TAS2R1: variants seen among roughly 807,000 people sequenced by gnomAD.
The protein encoded by TAS2R1 is taste receptor type 2 member 1.
For synonymous variants in TAS2R1, 141 were observed against 134.2 expected, an observed-to-expected ratio of 1.05 and a Z score of -0.35; for missense variants, 370 against 353.4, an observed-to-expected ratio of 1.05 and a Z score of -0.38.
rs1739788058 is a variant in TAS2R1, at chr5:9,628,058, T to A, written c.*1075A>T. On this transcript the variant is annotated 3_prime_UTR_variant, in exon 1 of 1. Coordinates refer to ENST00000382492, the MANE Select transcript of TAS2R1 (RefSeq NM_019599.3). ...GAGCTTAAGAACATTTTTTACTTCA[T>A]TTACTTGTCTGGAAGCAAAATGGTT... Among the ~76,000 whole-genome samples the A allele has an allele frequency of 6.6e-6, 1 of 152,210 alleles. No homozygotes were observed. Among genetic ancestry groups the A allele is most frequent in the Non-Finnish European group, 1.5e-5 (1 of 68,040 alleles).
the TAS2R1 span, among the ~76,000 whole-genome samples, chr5:9,893,489 T>C: frequency 6.6e-6 from 1 of 152,220 alleles, no homozygotes; most frequent in Non-Finnish European, 1.5e-5. Context: ...GCCCAAGGGA[T>C]GACAGCACTC....
At chr5:9,866,552 G>A in the TAS2R1 span, among the ~76,000 whole-genome samples, 68 of 152,222 alleles carry the variant, frequency 4.5e-4, no homozygotes, top group African/African-American at 1.5e-3. Flanking sequence ...TTCCGTCTGG[G>A]ACTGAGCTGA....
the TAS2R1 span, among the ~76,000 whole-genome samples, chr5:9,884,681 CCCAA>C: frequency 6.6e-6 from 1 of 152,004 alleles, no homozygotes; most frequent in Non-Finnish European, 1.5e-5. Context: ...GTATTGTCAC[CCCAA>C]CCATTATTAT....
At chr5:9,836,023 CA>C in the TAS2R1 span, among the ~76,000 whole-genome samples, 1 of 152,020 alleles carries the variant, frequency 6.6e-6, no homozygotes, top group African/African-American at 2.4e-5. Flanking sequence ...GGGAGGGACC[CA>C]GTAGGAGGTA....
upstream of TAS2R1, among the ~76,000 whole-genome samples, chr5:9,632,581 A>G (rs1344934388): frequency 1.3e-5 from 2 of 152,226 alleles, no homozygotes; most frequent in African/African-American, 2.4e-5. Flanking sequence ...TACTTTATTA[A>G]CTAAGTTTAT....
At chr5:9,636,487 T>C (rs1189531490) in intron 2 of TAS2R1, among the ~76,000 whole-genome samples, 1 of 152,150 alleles carries the variant, frequency 6.6e-6, no homozygotes, top group South Asian at 2.1e-4. Context: ...GTCCATTTTT[T>C]CTTTGTTGAC....
chr5:9,830,605 G>GCGCGCACA, the TAS2R1 span, among the ~76,000 whole-genome samples: 4 of 149,708 alleles, frequency 2.7e-5, no homozygotes, highest in African/African-American at 4.9e-5. Flanking sequence ...ACGTGCGCGC[G>GCGCGCACA]CACACACACA....
In TAS2R1 at chr5:9,708,383, C is replaced by T. The variant is rs114792559; in HGVS notation, c.-242+3789G>A. 6.1e-3 allele frequency among the ~76,000 whole-genome samples: 926 copies of T among 152,248 alleles called. 2 individuals carry two copies. The highest frequency in any genetic ancestry group is 0.02 in the African/African-American group (851 of 41,558). On this transcript the variant is annotated intron_variant, in intron 1 of 2. Coordinates refer to the TAS2R1 transcript ENST00000506620. ...CCTACATGGTTTTCTTCTACAAAAACGGAGATACCATTTTCTTCAAGGGCC... is the reference window on the plus strand; with the variant it reads ...CCTACATGGTTTTCTTCTACAAAAATGGAGATACCATTTTCTTCAAGGGCC...
the TAS2R1 span, among the ~76,000 whole-genome samples, chr5:9,888,326 C>G: frequency 6.6e-6 from 1 of 152,086 alleles, no homozygotes; most frequent in African/African-American, 2.4e-5. Context: ...CCTTAACAGT[C>G]ACAAAGAGTG....
the TAS2R1 span, among the ~76,000 whole-genome samples, chr5:9,728,036 G>A: frequency 6.6e-6 from 1 of 152,184 alleles, no homozygotes; most frequent in African/African-American, 2.4e-5. Flanking sequence ...AGATGCAACA[G>A]GAGAGTCTGA....
chr5:9,745,270 T>C, the TAS2R1 span, among the ~76,000 whole-genome samples: 1 of 152,100 alleles, frequency 6.6e-6, no homozygotes, highest in Non-Finnish European at 1.5e-5. Context: ...GACCACATGG[T>C]GAAAGACAAC....
At chr5:9,785,866 T>C in the TAS2R1 span, among the ~76,000 whole-genome samples, 27 of 152,286 alleles carry the variant, frequency 1.8e-4, no homozygotes, top group Middle Eastern at 3.4e-3. Context: ...TTACACATCA[T>C]CTCATATGCT....
At chr5:9,718,551 G>A in the TAS2R1 span, among the ~76,000 whole-genome samples, 1 of 152,126 alleles carries the variant, frequency 6.6e-6, no homozygotes, top group Non-Finnish European at 1.5e-5. Context: ...ACTTTGAGAG[G>A]CAAAGACAGG....
the TAS2R1 span, among the ~76,000 whole-genome samples, chr5:9,889,110 A>C: frequency 5.9e-5 from 9 of 152,294 alleles, no homozygotes; most frequent in East Asian, 1.7e-3. Context: ...CAGACCTATA[A>C]ACTCAGTATT....
chr5:9,881,828 C>A, the TAS2R1 span, among the ~76,000 whole-genome samples: 2 of 152,108 alleles, frequency 1.3e-5, no homozygotes, highest in East Asian at 1.9e-4. Flanking sequence ...AAACTGGGCC[C>A]CTTCCTTATA....
At chr5:9,821,611 T>C in the TAS2R1 span, among the ~76,000 whole-genome samples, 8,585 of 152,290 alleles carry the variant, frequency 0.056, 241 homozygotes, top group East Asian at 0.11. Context: ...TCCAAAGAGA[T>C]GCAAGATGCT....
At chr5:9,641,625 C>T (rs556072782) in intron 2 of TAS2R1, 8 of 152,310 alleles carry the variant, frequency 5.3e-5, no homozygotes, top group South Asian at 2.1e-4. Context: ...GGTGAAGACC[C>T]CCAAGGACAT....
chr5:9,810,957 C>T, the TAS2R1 span, among the ~76,000 whole-genome samples: 13 of 152,254 alleles, frequency 8.5e-5, no homozygotes, highest in East Asian at 9.7e-4. Flanking sequence ...AGCTATGCCC[C>T]AAGACTATGC....
At chr5:9,709,786 C>T (rs1394242760) in intron 1 of TAS2R1, among the ~76,000 whole-genome samples, 1 of 152,204 alleles carries the variant, frequency 6.6e-6, no homozygotes, top group Non-Finnish European at 1.5e-5. Context: ...TCATGAGAAG[C>T]TCGAAGCTGG....
Sources: gnomAD v4.1 joint callset for allele counts (sites outside exome capture counted in the v4.1 genomes callset) on GRCh38, gnomAD v4.1.1 for gene constraint, MANE v1.5 for transcripts, NCBI Gene and HGNC (gene_info 2026-07-23, HGNC 2026-07-21) for gene names.